Variants in CLVS1 observed in about 807,000 individuals in gnomAD.
CLVS1 encodes the protein clavesin-1.
In CLVS1, 10 loss-of-function variants were observed where a neutral mutation model predicts 33.1. The observed-to-expected ratio is 0.30, with a 90% CI of 0.19 to 0.51. The LOEUF is 0.51. Among genes scored for constraint, CLVS1 ranks in the 20% least tolerant of loss-of-function variants. The pLI, the probability that CLVS1 is intolerant of heterozygous loss-of-function variation, is 0.97. For synonymous variants in CLVS1, 163 were observed against 166.1 expected, an observed-to-expected ratio of 0.98 and a Z score of 0.14; for missense variants, 343 against 433.4, an observed-to-expected ratio of 0.79 and a Z score of 1.85.
chr8:61,346,418 C>A (rs6994804), intron 2 of CLVS1, among the ~76,000 whole-genome samples: 70,481 of 151,774 alleles, frequency 0.46, 16,790 homozygotes, highest in East Asian at 0.64. Context: ...GAAACTAAAT[C>A]GGGTGAGAAA....
chr8:61,369,961 A>G (rs1419278258), intron 2 of CLVS1, among the ~76,000 whole-genome samples: 1 of 152,182 alleles, frequency 6.6e-6, no homozygotes, highest in Non-Finnish European at 1.5e-5. Context: ...GAACCACATC[A>G]TAGTTATTTT....
intron 2 of CLVS1, among the ~76,000 whole-genome samples, chr8:61,351,257 G>A (rs956265140): frequency 6.6e-6 from 1 of 152,000 alleles, no homozygotes; most frequent in Non-Finnish European, 1.5e-5. Flanking sequence ...GGAAATTATG[G>A]AACTGAAAAA....
intron 2 of CLVS1, among the ~76,000 whole-genome samples, chr8:61,265,261 A>G (rs900059606): frequency 2.0e-5 from 3 of 152,030 alleles, no homozygotes; most frequent in Non-Finnish European, 2.9e-5. Context: ...CCGCTGGTTC[A>G]GGCCCAAATT....
intron 2 of CLVS1, among the ~76,000 whole-genome samples, chr8:61,360,459 A>G (rs964995829): frequency 3.3e-5 from 5 of 151,780 alleles, no homozygotes; most frequent in Admixed American, 6.6e-5. Context: ...CAATCAATCA[A>G]TCAAAAACAC....
At chr8:61,440,800 G>C (rs1816511171) in intron 3 of CLVS1, among the ~76,000 whole-genome samples, 3 of 152,178 alleles carry the variant, frequency 2.0e-5, no homozygotes, top group Admixed American at 6.5e-5. Flanking sequence ...AAGGAACACT[G>C]GGTTGGTACA....
At chr8:61,331,111 G>C (rs958460512) in intron 2 of CLVS1, among the ~76,000 whole-genome samples, 5 of 152,052 alleles carry the variant, frequency 3.3e-5, no homozygotes, top group African/African-American at 2.4e-5. Flanking sequence ...ATTGTATGGT[G>C]TCCTCACACT....
chr8:61,237,744 C>A (rs1808598324), intron 2 of CLVS1, among the ~76,000 whole-genome samples: 1 of 152,094 alleles, frequency 6.6e-6, no homozygotes, highest in Admixed American at 6.6e-5. Flanking sequence ...TAAGCAAAGG[C>A]CTGTGTACTA....
chr8:61,115,015 T>C (rs1363994400), intron 1 of CLVS1, among the ~76,000 whole-genome samples: 1 of 152,244 alleles, frequency 6.6e-6, no homozygotes, highest in Non-Finnish European at 1.5e-5. Flanking sequence ...AGCTGGACTT[T>C]TGTAAGTTCC....
intron 2 of CLVS1, among the ~76,000 whole-genome samples, chr8:61,167,372 G>T (rs1806894444): frequency 6.6e-6 from 1 of 151,892 alleles, no homozygotes; most frequent in South Asian, 2.1e-4. Flanking sequence ...AGTAGAGACG[G>T]GGTTTCTCCA....
chr8:60,997,940 G>A, the CLVS1 span, among the ~76,000 whole-genome samples: 1 of 151,964 alleles, frequency 6.6e-6, no homozygotes, highest in Admixed American at 6.6e-5. Context: ...GTGCTTGTGT[G>A]TGTGTGTGTG....
At chr8:61,390,464 G>C (rs951711365) in intron 3 of CLVS1, among the ~76,000 whole-genome samples, 3 of 152,198 alleles carry the variant, frequency 2.0e-5, no homozygotes, top group Non-Finnish European at 4.4e-5. Flanking sequence ...GAGGTGAAGA[G>C]CATCTTGAAA....
intron 1 of CLVS1, among the ~76,000 whole-genome samples, chr8:61,115,689 A>G (rs1038868038): frequency 1.7e-4 from 26 of 151,312 alleles, no homozygotes; most frequent in East Asian, 1.2e-3. Flanking sequence ...CCATGTCCCT[A>G]CAAAGGACAT....
At chr8:61,381,049 T>G (rs1992332) in intron 3 of CLVS1, among the ~76,000 whole-genome samples, 103,797 of 151,834 alleles carry the variant, frequency 0.68, 36,259 homozygotes, top group Non-Finnish European at 0.75. Context: ...TCCAGAAAGC[T>G]ATCTATTTTT....
chr8:61,062,721 C>G (rs952141866), intron 1 of CLVS1, among the ~76,000 whole-genome samples: 1 of 152,172 alleles, frequency 6.6e-6, no homozygotes, highest in Non-Finnish European at 1.5e-5. Flanking sequence ...TTATGGTCCA[C>G]GGGCCAAAAG....
the CLVS1 span, among the ~76,000 whole-genome samples, chr8:60,982,909 G>T: frequency 4.6e-5 from 7 of 152,102 alleles, no homozygotes; most frequent in African/African-American, 1.7e-4. Context: ...ACTGTACTTA[G>T]CCTGGGTGAC....
intron 2 of CLVS1, among the ~76,000 whole-genome samples, chr8:61,365,109 A>G (rs1025689615): frequency 6.6e-6 from 1 of 152,206 alleles, no homozygotes; most frequent in Admixed American, 6.5e-5. Flanking sequence ...TCTTTTAAAA[A>G]GCCTCATCAT....
chr8:61,036,565 A>G, the CLVS1 span, among the ~76,000 whole-genome samples: 2 of 152,178 alleles, frequency 1.3e-5, no homozygotes, highest in Admixed American at 6.5e-5. Flanking sequence ...CTTGAAGCTT[A>G]TTGTCCTCTC....
At chr8:61,485,875 C>G (rs185514058) in intron 5 of CLVS1, among the ~76,000 whole-genome samples, 75 of 152,016 alleles carry the variant, frequency 4.9e-4, no homozygotes, top group African/African-American at 1.8e-3. Context: ...TGTTCTCACT[C>G]ATAGGTGGGA....
chr8:61,208,042 C>G (rs1807893633), intron 2 of CLVS1, among the ~76,000 whole-genome samples: 2 of 152,202 alleles, frequency 1.3e-5, no homozygotes, highest in South Asian at 4.1e-4. Flanking sequence ...GCAGGAAATT[C>G]AGGAAATTTA....
Sources: gnomAD v4.1 joint callset for allele counts (sites outside exome capture counted in the v4.1 genomes callset) on GRCh38, gnomAD v4.1.1 for gene constraint, MANE v1.5 for transcripts, NCBI Gene and HGNC (gene_info 2026-07-23, HGNC 2026-07-21) for gene names.